KDR: variants seen among roughly 807,000 people sequenced by gnomAD.
KDR encodes the protein vascular endothelial growth factor receptor 2.
A neutral mutation model predicts 160.9 loss-of-function variants in KDR; 43 were observed. The observed-to-expected ratio is 0.27, with a 90% CI of 0.21 to 0.34. The LOEUF (loss-of-function observed/expected upper bound fraction) is 0.34, where lower values mean the gene tolerates loss of function less well. Ranked by LOEUF, KDR falls within the 10% of genes least tolerant of loss-of-function variation. The pLI is 1.00. For missense variants in KDR, 1,469 were observed against 1,666.4 expected (o/e 0.88, Z 2.06); for synonymous variants, 617 against 600.1 (o/e 1.03, Z -0.41).
chr4:55,089,500 C>A (rs546514370), intron 24 of KDR, 27 bp from the exon 25 acceptor site: 3 of 1,550,718 alleles, frequency 1.9e-6, no homozygotes, highest in African/African-American at 1.4e-5. Flanking sequence ...AGGAGACATT[C>A]TTTGATTTGA....
intron 25 of KDR, 45 bp from the exon 26 acceptor site, chr4:55,089,018 T>C (rs764155627): frequency 7.3e-7 from 1 of 1,371,158 alleles, no homozygotes; most frequent in South Asian, 1.2e-5. Flanking sequence ...TCTTTCTTCC[T>C]GAATGCTGAA....
Position 55,079,892 on chromosome 4 carries a change from C to T in KDR, c.*49G>A. 2 of 1,470,166 alleles carry T rather than the reference C, an allele frequency of 1.4e-6. No homozygotes were observed. Among genetic ancestry groups the T allele is most frequent in the Non-Finnish European group, 1.9e-6 (2 of 1,049,414 alleles). 91.1% of individuals were successfully genotyped at this position (1,470,166 alleles called of 1,614,324 possible). A position where few individuals can be genotyped will look rare whatever the true frequency, so the allele number is the denominator to read the frequency against. On this transcript the variant is annotated 3_prime_UTR_variant, in exon 30 of 30. Coordinates refer to ENST00000263923, the MANE Select transcript of KDR (RefSeq NM_002253.4). ...AAAGAACAACACTTGAAAATCTGAGCAGCACCTCTCATGTGATGTCCAGGA... is the reference window on the plus strand; with the variant it reads ...AAAGAACAACACTTGAAAATCTGAGTAGCACCTCTCATGTGATGTCCAGGA...
chr4:55,087,349 A>G (rs1011196642), intron 27 of KDR, among the ~76,000 whole-genome samples: 2 of 152,270 alleles, frequency 1.3e-5, no homozygotes, highest in African/African-American at 4.8e-5. Flanking sequence ...AAACTGTGGC[A>G]TTCCAGCTAT....
At chr4:55,122,838 C>T (rs1720927014) in intron 1 of KDR, 1 of 151,980 alleles carries the variant, frequency 6.6e-6, no homozygotes, top group Non-Finnish European at 1.5e-5. Context: ...TCAAATTATC[C>T]TACCACAGAT....
intron 7 of KDR, among the ~76,000 whole-genome samples, chr4:55,112,764 AG>A (rs2110029779): frequency 6.6e-6 from 1 of 152,230 alleles, no homozygotes; most frequent in South Asian, 2.1e-4. Flanking sequence ...TCCTGATCTC[AG>A]GTGATCCACC....
In KDR at chr4:55,078,903, A is replaced by C. The variant is rs1018304106; in HGVS notation, c.*1038T>G. On this transcript the variant is annotated 3_prime_UTR_variant, in exon 30 of 30. Transcript: ENST00000263923. ...TACTGGAGTAGAGGCCAAATAACTAAAATACTGATGGGTTGCGGGGTGAGA... is the reference window on the plus strand; with the variant it reads ...TACTGGAGTAGAGGCCAAATAACTACAATACTGATGGGTTGCGGGGTGAGA... 6.4e-5 allele frequency: 15 copies of C among 233,156 alleles called. No individual in the cohort carries two copies. Among genetic ancestry groups the C allele is most frequent in the African/African-American group, 3.3e-4 (15 of 45,350 alleles). 14.4% of individuals were successfully genotyped at this position (233,156 alleles called of 1,614,324 possible).
chr4:55,094,332 G>A (rs1438254037), intron 21 of KDR, among the ~76,000 whole-genome samples: 1 of 152,186 alleles, frequency 6.6e-6, no homozygotes, highest in Non-Finnish European at 1.5e-5. Flanking sequence ...GACTTGATAA[G>A]CCGCTTGGGG....
At chr4:55,102,981 AAT>A (rs1205499938) in intron 13 of KDR, among the ~76,000 whole-genome samples, 1 of 152,218 alleles carries the variant, frequency 6.6e-6, no homozygotes, top group Non-Finnish European at 1.5e-5. Flanking sequence ...GATCTTATGT[AAT>A]GAGCAGAATA....
rs1719939204 is a variant in KDR at position 55,088,989 on chromosome 4, A to T, written c.3405-16T>A. 6.4e-7 allele frequency: 1 copy of T among 1,557,082 alleles called. No individual in the cohort carries two copies. The highest frequency in any genetic ancestry group is 8.9e-7 in the Non-Finnish European group (1 of 1,128,438). ...GGTCTGGTACCTAGAGAAGCAAAACACTGATTTCATTAAATGCCTCTTTCT... is the reference window on the plus strand; with the variant it reads ...GGTCTGGTACCTAGAGAAGCAAAACTCTGATTTCATTAAATGCCTCTTTCT... On this transcript the variant is annotated splice_polypyrimidine_tract_variant and intron_variant, in intron 25 of 29. Transcript: ENST00000263923.
At chr4:55,120,264 C>T (rs1440754145) in intron 2 of KDR, among the ~76,000 whole-genome samples, 3 of 152,098 alleles carry the variant, frequency 2.0e-5, no homozygotes, top group Non-Finnish European at 4.4e-5. Flanking sequence ...TTGTGGACCC[C>T]CAGCACTCTT....
Position 55,082,063 on chromosome 4 carries a change from G to T in KDR, c.3763-22C>A, listed in dbSNP as rs908580455. 14 of 1,496,530 alleles carry T rather than the reference G, an allele frequency of 9.4e-6. No individual in the cohort carries two copies. In the African/African-American group the frequency reaches 1.9e-4, roughly 21 times the overall value. The allele number at this position is 1,496,530 out of a possible 1,614,324, so 92.7% of individuals were successfully genotyped here. A position where few individuals can be genotyped will look rare whatever the true frequency, so the allele number is the denominator to read the frequency against. On this transcript the variant is annotated intron_variant, in intron 28 of 29. Transcript: ENST00000263923. ...TGTCCTTTTTAAGAGACAATGAGAT[G>T]GCACAGTTAATTGAGCATATAAAAT...
rs1383447776 is a variant in KDR at position 55,088,965 on chromosome 4, G to C, written c.3413C>G (p.Thr1138Ser). The C allele has an allele frequency of 1.2e-6, 2 of 1,611,934 alleles. No homozygotes were observed. Among genetic ancestry groups the C allele is most frequent in the South Asian group, 1.1e-5 (1 of 91,014 alleles). ...PDYTTPEMYQ[T>S]MLDCWHGEPS... ...CTCCCCGTGCCAGCAGTCCAGCATG[G>C]TCTGGTACCTAGAGAAGCAAAACAC... Residue 1138 changes from threonine (T) to serine (S), a missense_variant, in exon 26 of 30, where the codon ACC becomes AGC. Thr to Ser is a moderately conservative substitution (Grantham distance 58). Coordinates refer to ENST00000263923, the MANE Select transcript of KDR (RefSeq NM_002253.4).
rs7667298 is a variant in KDR at position 55,125,564 on chromosome 4, T to C, written c.-271A>G. The C allele has an allele frequency of 0.53, 313,675 of 590,418 alleles. 85,710 individuals are homozygous for C. The highest frequency in any genetic ancestry group is 0.72 in the East Asian group (25,820 of 35,866). 36.6% of individuals were successfully genotyped at this position (590,418 alleles called of 1,614,324 possible). On this transcript the variant is annotated 5_prime_UTR_variant, in exon 1 of 30. The change abolishes an upstream ATG in the 5' untranslated region. Transcript: ENST00000263923. ...GCAGAGGAAACGCAGCGACCACACA[T>C]TGACCGCTCTCCCGGGGTCCCGGGA...
chr4:55,115,592 A>ATGTG (rs58765151), intron 3 of KDR, among the ~76,000 whole-genome samples, 181 bp from the exon 4 acceptor site: 3 of 150,990 alleles, frequency 2.0e-5, no homozygotes, highest in African/African-American at 7.3e-5. Context: ...GTGTGTGTGT[A>ATGTG]TGTGTGTGTG....
chr4:55,120,335 G>A (rs1578140978), intron 2 of KDR, among the ~76,000 whole-genome samples: 1 of 152,168 alleles, frequency 6.6e-6, no homozygotes, highest in African/African-American at 2.4e-5. Context: ...CAGGTCCTAA[G>A]AAGGCTCCAT....
At chr4:55,092,553 TG>T in intron 22 of KDR, 63 bp downstream of exon 22, 1 of 1,154,102 alleles carries the variant, frequency 8.7e-7, no homozygotes, top group Non-Finnish European at 1.3e-6. Flanking sequence ...TGGCTGACAC[TG>T]GACATCTTAT....
intron 6 of KDR, 92 bp from the exon 7 acceptor site, chr4:55,113,573 G>T: frequency 8.7e-7 from 1 of 1,154,620 alleles, no homozygotes. Context: ...CTGGGCTTTG[G>T]TAAACATTAT....
chr4:55,104,049 G>C (rs1720377046), intron 13 of KDR, among the ~76,000 whole-genome samples: 1 of 152,142 alleles, frequency 6.6e-6, no homozygotes, highest in South Asian at 2.1e-4. Flanking sequence ...ATGACCCAGA[G>C]GTACAGACAG....
At chr4:55,097,323 C>G (rs769236606) in intron 18 of KDR, among the ~76,000 whole-genome samples, 4 of 152,134 alleles carry the variant, frequency 2.6e-5, no homozygotes, top group African/African-American at 4.8e-5. Context: ...CTATAATTAT[C>G]TGATTCCACA....
Sources: gnomAD v4.1 joint callset for allele counts (sites outside exome capture counted in the v4.1 genomes callset) on GRCh38, gnomAD v4.1.1 for gene constraint, MANE v1.5 for transcripts, NCBI Gene and HGNC (gene_info 2026-07-23, HGNC 2026-07-21) for gene names.